Variants in AK5 observed in about 807,000 individuals in gnomAD.
AK5 encodes the protein adenylate kinase 5, also known as adenylate kinase isoenzyme 5.
Under a neutral mutation model 69.5 loss-of-function variants are expected in AK5, and 27 were observed. The observed-to-expected ratio is 0.39, with a 90% CI of 0.29 to 0.54. The LOEUF is 0.54. Ranked by LOEUF, AK5 falls within the 20% of genes least tolerant of loss-of-function variation. The pLI, the probability that AK5 is intolerant of heterozygous loss-of-function variation, is 0.71. For synonymous variants in AK5, 260 were observed against 244.4 expected (o/e 1.06, Z -0.60); for missense variants, 531 against 700.4 (o/e 0.76, Z 2.73).
At chr1:77,300,900 A>T (rs1302811747) in intron 5 of AK5, among the ~76,000 whole-genome samples, 1 of 152,156 alleles carries the variant, frequency 6.6e-6, no homozygotes, top group East Asian at 1.9e-4. Flanking sequence ...TATTTTTTTT[A>T]TTATACTGCA....
chr1:77,498,486 C>T (rs1394878383), intron 10 of AK5, among the ~76,000 whole-genome samples: 1 of 152,214 alleles, frequency 6.6e-6, no homozygotes, highest in Non-Finnish European at 1.5e-5. Flanking sequence ...AAAAGCAACA[C>T]TACATGAGTT....
intron 13 of AK5, among the ~76,000 whole-genome samples, chr1:77,558,380 A>AT (rs1235906482): frequency 4.0e-5 from 6 of 149,316 alleles, no homozygotes; most frequent in African/African-American, 7.4e-5. Context: ...AGTGCTTTGG[A>AT]TTTTGGCTAT....
At chr1:77,530,925 A>T (rs1276240681) in intron 12 of AK5, among the ~76,000 whole-genome samples, 1 of 152,044 alleles carries the variant, frequency 6.6e-6, no homozygotes, top group East Asian at 1.9e-4. Flanking sequence ...GGAATGACCA[A>T]AGCAAAACCA....
At chr1:77,297,786 C>T (rs772421586) in intron 4 of AK5, 48 bp from the exon 5 acceptor site, 14 of 1,605,604 alleles carry the variant, frequency 8.7e-6, no homozygotes, top group Non-Finnish European at 1.1e-5. Context: ...ATTGAGTATA[C>T]TAAGTTTAAC....
At position 77,422,088 on chromosome 1, in the gene AK5, CA is replaced by C. The variant is rs531390807; in HGVS notation, c.1059+4374del. On this transcript the variant is annotated intron_variant, in intron 8 of 13. Transcript: ENST00000354567. ...TTCTGTGAATGATACCACCATTCTC[CA>C]GCTGCCCAAGCCAGACACAAGGGCG... Among the ~76,000 whole-genome samples the C allele has an allele frequency of 4.3e-3, 654 of 152,310 alleles. 5 individuals carry two copies. Among genetic ancestry groups the C allele is most frequent in the African/African-American group, 0.015 (627 of 41,562 alleles).
intron 10 of AK5, among the ~76,000 whole-genome samples, chr1:77,503,115 A>G (rs552652845): frequency 2.6e-5 from 4 of 152,360 alleles, no homozygotes; most frequent in African/African-American, 7.2e-5. Flanking sequence ...CCTAGGCTCT[A>G]TATCTAGTAC....
chr1:77,411,573 C>T (rs963204016), intron 7 of AK5, among the ~76,000 whole-genome samples: 2 of 152,044 alleles, frequency 1.3e-5, no homozygotes, highest in Non-Finnish European at 2.9e-5. Flanking sequence ...GTAATCATAC[C>T]TCCTAATGTA....
At chr1:77,461,389 A>T (rs930248398) in intron 8 of AK5, among the ~76,000 whole-genome samples, 3 of 151,910 alleles carry the variant, frequency 2.0e-5, no homozygotes, top group African/African-American at 7.3e-5. Context: ...AAATGTGGTT[A>T]CCAGAGGCTG....
At chr1:77,540,495 C>T (rs1388454774) in intron 13 of AK5, 1 of 152,228 alleles carries the variant, frequency 6.6e-6, no homozygotes, top group Non-Finnish European at 1.5e-5. Context: ...ACCATCACCC[C>T]CAACTGACTA....
chr1:77,309,329 G>A (rs1670617), intron 5 of AK5, among the ~76,000 whole-genome samples: 134,534 of 152,114 alleles, frequency 0.88, 59,916 homozygotes, highest in Middle Eastern at 0.97. Flanking sequence ...CAAATTGATC[G>A]TGATTAACAA....
chr1:77,340,804 C>A, intron 6 of AK5: 1 of 391,084 alleles, frequency 2.6e-6, no homozygotes, highest in Non-Finnish European at 4.5e-6. Flanking sequence ...TAAATTTTAA[C>A]CTTGGCCAAA....
intron 6 of AK5, among the ~76,000 whole-genome samples, chr1:77,378,159 G>T (rs554156426): frequency 6.6e-6 from 1 of 152,076 alleles, no homozygotes; most frequent in African/African-American, 2.4e-5. Context: ...GAGACACAGC[G>T]CTTTAAAAAT....
intron 8 of AK5, 36 bp downstream of exon 8, chr1:77,417,751 G>A (rs1306996322): frequency 7.7e-7 from 1 of 1,305,242 alleles, no homozygotes; most frequent in Admixed American, 2.0e-5. Flanking sequence ...CTATTTAAAT[G>A]TTTTTAAGTT....
At chr1:77,403,849 T>C (rs1649421210) in intron 6 of AK5, among the ~76,000 whole-genome samples, 1 of 152,228 alleles carries the variant, frequency 6.6e-6, no homozygotes, top group South Asian at 2.1e-4. Context: ...CATTGGTAGC[T>C]TGATGGGGAT....
At chr1:77,457,601 G>A (rs767081092) in intron 8 of AK5, among the ~76,000 whole-genome samples, 4 of 152,110 alleles carry the variant, frequency 2.6e-5, no homozygotes, top group Non-Finnish European at 4.4e-5. Context: ...TTTTGTGGGT[G>A]TAATATCTTC....
intron 6 of AK5, among the ~76,000 whole-genome samples, chr1:77,397,732 A>C (rs1223025000): frequency 6.6e-6 from 1 of 152,112 alleles, no homozygotes; most frequent in Non-Finnish European, 1.5e-5. Flanking sequence ...TTGTCTCTAC[A>C]AAAAATTTAA....
chr1:77,332,069 G>A (rs1192736894), intron 5 of AK5, among the ~76,000 whole-genome samples: 1 of 151,982 alleles, frequency 6.6e-6, no homozygotes, highest in African/African-American at 2.4e-5. Context: ...CTCTTGAGTA[G>A]GTAGGACTAC....
intron 12 of AK5, among the ~76,000 whole-genome samples, chr1:77,526,515 G>A (rs372853378): frequency 1.7e-5 from 2 of 120,712 alleles, no homozygotes; most frequent in Admixed American, 2.3e-4. Context: ...TCGCTCTGTC[G>A]CCCAGGCTGG....
chr1:77,338,052 C>T (rs1350885563), intron 5 of AK5, among the ~76,000 whole-genome samples: 1 of 151,980 alleles, frequency 6.6e-6, no homozygotes, highest in Non-Finnish European at 1.5e-5. Flanking sequence ...GCAACCTCCG[C>T]TTCCCGGGTT....
Sources: gnomAD v4.1 joint callset for allele counts (sites outside exome capture counted in the v4.1 genomes callset) on GRCh38, gnomAD v4.1.1 for gene constraint, MANE v1.5 for transcripts, NCBI Gene and HGNC (gene_info 2026-07-23, HGNC 2026-07-21) for gene names.